Variants in CLASP1 observed in about 807,000 individuals in gnomAD.
CLASP1 encodes CLIP-associating protein 1.
A neutral mutation model predicts 192.3 loss-of-function variants in CLASP1; 38 were observed. The ratio of observed to expected loss-of-function variants is 0.20; its 90% CI spans 0.15 to 0.26. The LOEUF is 0.26. CLASP1 is among the 10% of genes least tolerant of loss of function. CLASP1 has a pLI of 1.00. For missense variants in CLASP1, 1,433 were observed against 1,932.5 expected, an observed-to-expected ratio of 0.74 and a Z score of 4.85; for synonymous variants, 691 against 712.8, an observed-to-expected ratio of 0.97 and a Z score of 0.49.
intron 36 of CLASP1, 145 bp downstream of exon 37, chr2:121,364,947 AAT>A (rs1270548701): frequency 2.5e-6 from 2 of 799,802 alleles, no homozygotes; most frequent in African/African-American, 1.7e-5. Context: ...GTGCTCAGAA[AAT>A]ATGTGAAAAA....
intron 2 of CLASP1, among the ~76,000 whole-genome samples, chr2:121,531,605 A>T (rs2094886550): frequency 7.0e-6 from 1 of 142,274 alleles, no homozygotes; most frequent in Admixed American, 7.0e-5. Flanking sequence ...AAAAAAAAAA[A>T]AAAATAGTAA....
At position 121,530,990 on chromosome 2, in the gene CLASP1, G is replaced by A. The variant is rs763500364; in HGVS notation, c.196-665C>T. The A allele has an allele frequency of 1.6e-5, 11 of 700,064 alleles. No homozygotes were observed. The highest frequency in any genetic ancestry group is 6.0e-5 in the Admixed American group (3 of 49,978). 43.4% of individuals were successfully genotyped at this position (700,064 alleles called of 1,614,324 possible). A position where few individuals can be genotyped will look rare whatever the true frequency, so the allele number is the denominator to read the frequency against. On this transcript the variant is annotated intron_variant, in intron 2 of 39. Transcript: ENST00000263710. ...TCAACTAGAGCTTTTGCTTTATTTT[G>A]GTGCAATTTTTGGAAAAATGAAAAC...
chr2:121,500,378 A>AAGAAAGAAAG (rs2093703536), intron 8 of CLASP1, among the ~76,000 whole-genome samples: 1 of 135,756 alleles, frequency 7.4e-6, no homozygotes, highest in African/African-American at 3.7e-5. Context: ...GAAAGAAAGA[A>AAGAAAGAAAG]AGAAAGAAAG....
intron 8 of CLASP1, among the ~76,000 whole-genome samples, chr2:121,490,651 C>T (rs1243619927): frequency 1.3e-5 from 2 of 152,196 alleles, no homozygotes; most frequent in South Asian, 2.1e-4. Flanking sequence ...TATTTCCACA[C>T]AGAAAATAAA....
chr2:121,378,466 T>C (rs2070805839), intron 33 of CLASP1, among the ~76,000 whole-genome samples: 1 of 152,140 alleles, frequency 6.6e-6, no homozygotes, highest in South Asian at 2.1e-4. Context: ...AAACAATCCT[T>C]TTTGGTGCAC....
intron 6 of CLASP1, among the ~76,000 whole-genome samples, chr2:121,522,436 G>C (rs2094478875): frequency 6.6e-6 from 1 of 152,168 alleles, no homozygotes; most frequent in South Asian, 2.1e-4. Flanking sequence ...GGCACAAAAA[G>C]TATAACTGCC....
At chr2:121,414,769 G>T (rs2078280865) in intron 23 of CLASP1, among the ~76,000 whole-genome samples, 1 of 152,154 alleles carries the variant, frequency 6.6e-6, no homozygotes, top group Non-Finnish European at 1.5e-5. Context: ...TCTGTTGCAT[G>T]AATATCCTAA....
chr2:121,460,170 C>T (rs2087592744), intron 11 of CLASP1, 45 bp from the exon 12 acceptor site: 1 of 1,504,982 alleles, frequency 6.6e-7, no homozygotes, highest in Admixed American at 1.8e-5. Context: ...ACAATTCTAA[C>T]ACAGACTATA....
intron 2 of CLASP1, among the ~76,000 whole-genome samples, chr2:121,559,727 T>C (rs2058909693): frequency 6.6e-6 from 1 of 151,932 alleles, no homozygotes; most frequent in African/African-American, 2.4e-5. Context: ...GGGTATAGAG[T>C]TCCCTTTTAA....
At chr2:121,640,366 T>C (rs1388656275) in intron 1 of CLASP1, among the ~76,000 whole-genome samples, 1 of 152,062 alleles carries the variant, frequency 6.6e-6, no homozygotes, top group Non-Finnish European at 1.5e-5. Flanking sequence ...ACTTAAAGTA[T>C]AATACAAAAA....
At chr2:121,414,307 C>G (rs1306432241) in intron 23 of CLASP1, among the ~76,000 whole-genome samples, 104 bp from the exon 24 acceptor site, 1 of 152,154 alleles carries the variant, frequency 6.6e-6, no homozygotes, top group Non-Finnish European at 1.5e-5. Context: ...ACCAACAAGG[C>G]CATGTTTTCT....
rs1559371146 is a variant in CLASP1 at position 121,479,048 on chromosome 2, C to CA, written c.713-9089_713-9088insT. On this transcript the variant is annotated intron_variant, in intron 8 of 39. Coordinates refer to ENST00000263710, the Ensembl canonical transcript of CLASP1. ...CACACACACCCCACACACACACACACCCCCCCCCCACACACACACACACAC... is the reference window on the plus strand; with the variant it reads ...CACACACACCCCACACACACACACACACCCCCCCCCACACACACACACACAC... 5.0e-4 allele frequency among the ~76,000 whole-genome samples: 41 copies of CA among 81,846 alleles called. 2 individuals are homozygous for CA. The highest frequency in any genetic ancestry group is 9.5e-4 in the African/African-American group (16 of 16,916). 53.7% of individuals were successfully genotyped at this position (81,846 alleles called of 152,430 possible). A position where few individuals can be genotyped will look rare whatever the true frequency, so the allele number is the denominator to read the frequency against.
chr2:121,394,809 G>A (rs112373882), intron 30 of CLASP1, among the ~76,000 whole-genome samples: 46 of 152,316 alleles, frequency 3.0e-4, no homozygotes, highest in African/African-American at 1.1e-3. Context: ...GAACCCGGGA[G>A]GCGGAGGTTG....
chr2:121,379,082 AG>A, intron 33 of CLASP1, among the ~76,000 whole-genome samples: 1 of 152,152 alleles, frequency 6.6e-6, no homozygotes, highest in East Asian at 1.9e-4. Flanking sequence ...AGTGTTTTCT[AG>A]GGCTGGTGCT....
chr2:121,363,080 G>C (rs1463738965), intron 37 of CLASP1, 92 bp downstream of exon 38: 15 of 1,506,404 alleles, frequency 1.0e-5, no homozygotes, highest in Non-Finnish European at 1.3e-5. Flanking sequence ...GGGCTCTTAA[G>C]CTGTGCACTG....
chr2:121,612,722 T>G (rs1302034696), intron 1 of CLASP1, among the ~76,000 whole-genome samples: 1 of 152,190 alleles, frequency 6.6e-6, no homozygotes, highest in Non-Finnish European at 1.5e-5. Context: ...ATGCCTGAGC[T>G]AAGTAAAAAC....
intron 19 of CLASP1, among the ~76,000 whole-genome samples, chr2:121,444,672 T>C (rs190891410): frequency 5.5e-4 from 84 of 152,076 alleles, no homozygotes; most frequent in Non-Finnish European, 1.0e-3. Context: ...CTCCCCAGAG[T>C]GTGGACTCAG....
intron 1 of CLASP1, among the ~76,000 whole-genome samples, chr2:121,625,427 A>ATTTTTTTT (rs397868546): frequency 1.0e-4 from 10 of 95,752 alleles, no homozygotes; most frequent in East Asian, 3.3e-4. Context: ...TCTTTCTTTC[A>ATTTTTTTT]TTTTTTTTTT....
intron 32 of CLASP1, 124 bp from the exon 34 acceptor site, chr2:121,382,448 T>C: frequency 1.6e-6 from 1 of 634,278 alleles, no homozygotes; most frequent in Non-Finnish European, 2.7e-6. Flanking sequence ...CTATTAAAGT[T>C]AATCAGAGCA....
Sources: allele counts gnomAD v4.1 joint callset (sites outside exome capture counted in the v4.1 genomes callset), GRCh38; gene constraint gnomAD v4.1.1; transcripts MANE v1.5; gene names NCBI Gene and HGNC (gene_info 2026-07-23, HGNC 2026-07-21).